The following PRKDC variants were observed in gnomAD, a reference collection of about 807,000 sequenced individuals.
The protein encoded by PRKDC is DNA-dependent protein kinase catalytic subunit.
PRKDC carries 82 observed loss-of-function variants against 486.9 expected under a neutral mutation model. That is an observed-to-expected ratio of 0.17 (90% CI 0.14 to 0.20). PRKDC has a LOEUF of 0.20. PRKDC is among the 10% of genes least tolerant of loss of function. PRKDC has a pLI of 1.00. For synonymous variants in PRKDC, 1,895 were observed against 1,837.0 expected, an observed-to-expected ratio of 1.03 and a Z score of -0.81; for missense variants, 4,504 against 5,038.2, an observed-to-expected ratio of 0.89 and a Z score of 3.21.
intron 30 of PRKDC, among the ~76,000 whole-genome samples, chr8:47,893,823 C>T (rs74915527): frequency 0.071 from 10,733 of 152,036 alleles, 479 homozygotes; most frequent in Middle Eastern, 0.13. Context: ...TCGAATGAGC[C>T]GTTTTTTCCA....
At chr8:47,902,880 C>A in intron 26 of PRKDC, 85 bp from the exon 27 acceptor site, 1 of 996,028 alleles carries the variant, frequency 1.0e-6, no homozygotes, top group Non-Finnish European at 1.4e-6. Context: ...CTGAGCATAA[C>A]TAAAGTATGT....
chr8:47,791,256 C>A (rs952625629), intron 74 of PRKDC, among the ~76,000 whole-genome samples: 11 of 152,164 alleles, frequency 7.2e-5, no homozygotes, highest in African/African-American at 2.2e-4. Flanking sequence ...GTGGGCAGAT[C>A]ACGAGGTCAG....
At chr8:47,784,849 G>GT (rs1376168438) in intron 77 of PRKDC, among the ~76,000 whole-genome samples, 1 of 152,066 alleles carries the variant, frequency 6.6e-6, no homozygotes, top group East Asian at 1.9e-4. Context: ...TATGATTGCT[G>GT]TTTACCATTA....
chr8:47,902,953 G>A (rs1188738275), intron 26 of PRKDC, among the ~76,000 whole-genome samples, 158 bp from the exon 27 acceptor site: 1 of 152,156 alleles, frequency 6.6e-6, no homozygotes, highest in African/African-American at 2.4e-5. Context: ...AATCTCCATA[G>A]TGTATCCAGA....
intron 52 of PRKDC, among the ~76,000 whole-genome samples, chr8:47,851,581 G>A (rs1299136177): frequency 1.3e-5 from 2 of 152,180 alleles, no homozygotes; most frequent in African/African-American, 4.8e-5. Flanking sequence ...GCCCAACAGT[G>A]ACTATGGCCT....
At chr8:47,777,332 C>G (rs2466760) in intron 84 of PRKDC, among the ~76,000 whole-genome samples, 7,035 of 152,176 alleles carry the variant, frequency 0.046, 168 homozygotes, top group Non-Finnish European at 0.05. Flanking sequence ...CCTCAGCCTC[C>G]CAAGGAGCTG....
intron 25 of PRKDC, 75 bp downstream of exon 25, chr8:47,912,335 T>G: frequency 1.4e-6 from 2 of 1,403,588 alleles, no homozygotes; most frequent in Admixed American, 5.3e-5. Context: ...GTAATTCCAC[T>G]GCTCTGCTGA....
chr8:47,909,541 T>G (rs1430010722), intron 25 of PRKDC, among the ~76,000 whole-genome samples: 2 of 152,132 alleles, frequency 1.3e-5, no homozygotes, highest in African/African-American at 4.8e-5. Flanking sequence ...TAACAGCGAT[T>G]TTCAGGTAAC....
intron 58 of PRKDC, among the ~76,000 whole-genome samples, chr8:47,834,685 A>ACTTCTT (rs200754946): frequency 7.5e-6 from 1 of 133,740 alleles, no homozygotes; most frequent in African/African-American, 3.0e-5. Flanking sequence ...AGAACCCCTG[A>ACTTCTT]CTTTTTTTTT....
intron 10 of PRKDC, among the ~76,000 whole-genome samples, chr8:47,941,927 A>G (rs1006553317): frequency 1.3e-5 from 2 of 152,254 alleles, no homozygotes; most frequent in Non-Finnish European, 2.9e-5. Flanking sequence ...AAGGATGTGA[A>G]ACAGAGATGT....
chr8:47,790,401 T>C lies in PRKDC; in HGVS notation c.10671-1163A>G, dbSNP rs533268761. Among the ~76,000 whole-genome samples, 12 of 152,226 alleles carry C rather than the reference T, an allele frequency of 7.9e-5. No individual in the cohort carries two copies. In the South Asian group the frequency reaches 2.1e-3, roughly 26 times the overall value. On this transcript the variant is annotated intron_variant, in intron 74 of 85. Coordinates refer to ENST00000314191, the MANE Select transcript of PRKDC (RefSeq NM_006904.7). Reference sequence around the variant, plus strand: ...AACTGTAAAACATGGATGAAAGAAATTGAAGAGGACTCAAAGAAATGCAAA... The same window carrying C: ...AACTGTAAAACATGGATGAAAGAAACTGAAGAGGACTCAAAGAAATGCAAA...
intron 38 of PRKDC, among the ~76,000 whole-genome samples, chr8:47,880,313 T>C (rs2089185720): frequency 6.6e-6 from 1 of 152,174 alleles, no homozygotes; most frequent in South Asian, 2.1e-4. Context: ...ACATTTTGAA[T>C]AACCTAAGGA....
chr8:47,830,477 G>A (rs2087838409), intron 61 of PRKDC, 128 bp downstream of exon 61: 7 of 1,306,134 alleles, frequency 5.4e-6, no homozygotes, highest in East Asian at 4.8e-5. Flanking sequence ...CAAGTCCACC[G>A]TTGAGGACAA....
chr8:47,929,812 TA>T, intron 18 of PRKDC, 40 bp downstream of exon 18: 5 of 1,556,510 alleles, frequency 3.2e-6, no homozygotes, highest in Admixed American at 4.4e-5. Context: ...ACTCATGACC[TA>T]AAAAAACGCA....
In PRKDC at chr8:47,898,460, G is replaced by C; in HGVS notation, c.3464+10C>G. On this transcript the variant is annotated intron_variant, in intron 29 of 85. Coordinates refer to ENST00000314191, the MANE Select transcript of PRKDC (RefSeq NM_006904.7). ...TGGGAAAAGACGGAAAAGGAAGCAA[G>C]ATCACCTACCGCGGCAAACGTCGTT... 1 of 1,542,102 alleles carries C rather than the reference G, an allele frequency of 6.5e-7. No homozygotes were observed.
At chr8:47,837,590 T>G (rs1463004947) in intron 56 of PRKDC, among the ~76,000 whole-genome samples, 171 bp from the exon 57 acceptor site, 1 of 152,098 alleles carries the variant, frequency 6.6e-6, no homozygotes, top group Non-Finnish European at 1.5e-5. Context: ...ATGAAACATA[T>G]CCACTGAAGG....
At chr8:47,898,639 T>C in intron 28 of PRKDC, 70 bp from the exon 29 acceptor site, 9 of 991,478 alleles carry the variant, frequency 9.1e-6, no homozygotes, top group Non-Finnish European at 1.2e-5. Flanking sequence ...ATTTGTATTA[T>C]AAATGTGTTG....
At chr8:47,793,877 TCA>T (rs1227803191) in intron 74 of PRKDC, among the ~76,000 whole-genome samples, 1 of 152,134 alleles carries the variant, frequency 6.6e-6, no homozygotes, top group Non-Finnish European at 1.5e-5. Context: ...GCACTACTGC[TCA>T]CTCATCATCG....
Position 47,855,203 on chromosome 8 carries a change from CA to C in PRKDC, c.6761+18del. The stretch of plus-strand genomic sequence containing the variant: ...TAACCTAAATTTCTAAACAATACTG[CA>C]AAAACCAGTAAACATACCTATAAGG... On this transcript the variant is annotated intron_variant, in intron 50 of 85. Coordinates refer to ENST00000314191, the MANE Select transcript of PRKDC (RefSeq NM_006904.7). The C allele has an allele frequency of 6.4e-7, 1 of 1,564,422 alleles. No individual in the cohort carries two copies. The highest frequency in any genetic ancestry group is 8.6e-7 in the Non-Finnish European group (1 of 1,156,996).
Sources: allele counts gnomAD v4.1 joint callset (sites outside exome capture counted in the v4.1 genomes callset), GRCh38; gene constraint gnomAD v4.1.1; transcripts MANE v1.5; gene names NCBI Gene and HGNC (gene_info 2026-07-23, HGNC 2026-07-21).